Variants in LRRC37A2 observed in about 807,000 individuals in gnomAD.
LRRC37A2 encodes the protein leucine rich repeat containing 37 member A2, also known as leucine-rich repeat-containing protein 37A2.
In LRRC37A2, 9 loss-of-function variants were observed where a neutral mutation model predicts 68.8. That is an observed-to-expected ratio of 0.13 (90% CI 0.08 to 0.23). LRRC37A2 has a LOEUF of 0.23. Among genes scored for constraint, LRRC37A2 ranks in the 10% least tolerant of loss-of-function variants. The pLI, the probability that LRRC37A2 is intolerant of heterozygous loss-of-function variation, is 1.00. For synonymous variants in LRRC37A2, 63 were observed against 367.6 expected, an observed-to-expected ratio of 0.17 and a Z score of 9.48; for missense variants, 168 against 950.4, an observed-to-expected ratio of 0.18 and a Z score of 10.82.
chr17:46,536,911 G>A (rs1259499343), intron 6 of LRRC37A2, among the ~76,000 whole-genome samples: 5 of 9,436 alleles, frequency 5.3e-4, no homozygotes, highest in African/African-American at 8.0e-4. Flanking sequence ...TGGGGATGTG[G>A]GCTGTTTTCC....
chr17:46,769,863 T>G, the LRRC37A2 span: 1 of 1,613,586 alleles, frequency 6.2e-7, no homozygotes. Context: ...GCGAACTCCC[T>G]GGACACTAAC....
the LRRC37A2 span, among the ~76,000 whole-genome samples, chr17:46,790,424 G>T: frequency 2.0e-5 from 3 of 152,018 alleles, no homozygotes; most frequent in Non-Finnish European, 2.9e-5. Flanking sequence ...AAGTGGTCTA[G>T]GTGCTCCCTC....
chr17:46,953,062 T>C, the LRRC37A2 span, among the ~76,000 whole-genome samples: 13 of 152,154 alleles, frequency 8.5e-5, 1 homozygote, highest in South Asian at 4.1e-4. Flanking sequence ...TTTATTATTA[T>C]TTTACGTAAG....
the LRRC37A2 span, among the ~76,000 whole-genome samples, chr17:46,997,370 A>G: frequency 6.6e-6 from 1 of 152,182 alleles, no homozygotes; most frequent in South Asian, 2.1e-4. Flanking sequence ...ACCAAAAAAA[A>G]AGAATATCAC....
chr17:46,931,079 C>T, the LRRC37A2 span: 1 of 1,260,982 alleles, frequency 7.9e-7, no homozygotes, highest in Non-Finnish European at 1.2e-6. Flanking sequence ...AGCAATTATT[C>T]TTTTTTCTTT....
At chr17:46,569,260 A>G in the LRRC37A2 span, among the ~76,000 whole-genome samples, 1 of 151,372 alleles carries the variant, frequency 6.6e-6, no homozygotes, top group Non-Finnish European at 1.5e-5. Flanking sequence ...GATACATTTG[A>G]TACAACTGGA....
the LRRC37A2 span, chr17:47,018,953 G>T: frequency 6.6e-7 from 1 of 1,519,588 alleles, no homozygotes; most frequent in Non-Finnish European, 9.1e-7. Flanking sequence ...TATATCAAGG[G>T]GTAACAAATC....
the LRRC37A2 span, among the ~76,000 whole-genome samples, chr17:47,029,154 CCCT>C: frequency 6.6e-6 from 1 of 151,904 alleles, no homozygotes; most frequent in Admixed American, 6.6e-5. Context: ...CTCCAACCTC[CCCT>C]CCAGGCTGGT....
the LRRC37A2 span, among the ~76,000 whole-genome samples, chr17:46,948,380 G>A: frequency 1.3e-5 from 2 of 152,186 alleles, no homozygotes; most frequent in Non-Finnish European, 2.9e-5. Context: ...TCATTCAGCT[G>A]GTGTGATTGT....
chr17:46,716,004 ATAT>A, the LRRC37A2 span, among the ~76,000 whole-genome samples: 1 of 152,180 alleles, frequency 6.6e-6, no homozygotes, highest in Non-Finnish European at 1.5e-5. Context: ...TGGGGGAAAA[ATAT>A]TATTCTTTGT....
the LRRC37A2 span, among the ~76,000 whole-genome samples, chr17:46,657,972 T>TTA: frequency 0.37 from 5,896 of 15,942 alleles, 1,058 homozygotes; most frequent in East Asian, 0.83. Flanking sequence ...TTTTATTTAT[T>TTA]TTTTTTTTTT....
the LRRC37A2 span, among the ~76,000 whole-genome samples, chr17:46,952,334 C>T: frequency 6.6e-6 from 1 of 152,198 alleles, no homozygotes; most frequent in South Asian, 2.1e-4. Context: ...TTTGGGGTGA[C>T]CACATGACTG....
At chr17:46,926,582 C>T in the LRRC37A2 span, among the ~76,000 whole-genome samples, 1 of 152,202 alleles carries the variant, frequency 6.6e-6, no homozygotes, top group Non-Finnish European at 1.5e-5. Context: ...TGTCCACGCT[C>T]CCAAGTCATG....
chr17:46,818,568 G>A, the LRRC37A2 span: 7 of 1,607,882 alleles, frequency 4.4e-6, no homozygotes, highest in Non-Finnish European at 5.9e-6. Context: ...GCAGGAGGCC[G>A]AGGAGCAGCC....
At chr17:46,388,114 TAAA>T in the LRRC37A2 span, among the ~76,000 whole-genome samples, 1 of 1,584 alleles carries the variant, frequency 6.3e-4, no homozygotes, top group Non-Finnish European at 2.4e-3. Context: ...TCCTGAAGGC[TAAA>T]AAAAAAAAAA....
intron 8 of LRRC37A2, 86 bp from the exon 8 acceptor site, chr17:46,546,167 CCA>C (rs2056287296): frequency 1.4e-6 from 1 of 705,464 alleles, no homozygotes; most frequent in African/African-American, 1.8e-5. Flanking sequence ...CACCTTTTTC[CCA>C]CACCTGTGGT....
chr17:46,728,756 T>G, the LRRC37A2 span: 1 of 736,372 alleles, frequency 1.4e-6, no homozygotes. Context: ...ATGTAGGGAC[T>G]GTGTTTACTT....
chr17:46,545,383 T>G (rs1375179447), intron 8 of LRRC37A2, among the ~76,000 whole-genome samples: 1 of 131,378 alleles, frequency 7.6e-6, no homozygotes, highest in Non-Finnish European at 1.6e-5. Context: ...CCCAGGGGGG[T>G]TGAGGCTGCA....
chr17:46,969,119 G>A, the LRRC37A2 span, among the ~76,000 whole-genome samples: 1 of 152,202 alleles, frequency 6.6e-6, no homozygotes, highest in South Asian at 2.1e-4. Context: ...AGCGGAAGCC[G>A]ATCTCGCTCT....
Sources: gnomAD v4.1 joint callset for allele counts (sites outside exome capture counted in the v4.1 genomes callset) on GRCh38, gnomAD v4.1.1 for gene constraint, MANE v1.5 for transcripts, NCBI Gene and HGNC (gene_info 2026-07-23, HGNC 2026-07-21) for gene names.